SUN2: variants seen among roughly 807,000 people sequenced by gnomAD.
The protein encoded by SUN2 is Sad1 and UNC84 domain containing 2.
In SUN2, 60 loss-of-function variants were observed where a neutral mutation model predicts 100.0. The observed-to-expected ratio is 0.60, with a 90% CI of 0.49 to 0.74. The LOEUF is 0.74. Ranked by LOEUF, SUN2 falls within the 30% of genes least tolerant of loss-of-function variation. SUN2 has a pLI of 0.00. For missense variants in SUN2, 834 were observed against 954.6 expected (o/e 0.87, Z 1.66); for synonymous variants, 367 against 403.3 (o/e 0.91, Z 1.08).
intron 8 of SUN2, chr22:38,745,181 C>G (rs767903776): frequency 4.2e-6 from 2 of 471,120 alleles, no homozygotes; most frequent in Non-Finnish European, 8.8e-6. Flanking sequence ...GCTAGCCTGC[C>G]GGGTGAGCAA....
At chr22:38,741,249 G>A (rs1008087299) in intron 10 of SUN2, among the ~76,000 whole-genome samples, 199 bp from the exon 11 acceptor site, 3 of 151,670 alleles carry the variant, frequency 2.0e-5, no homozygotes, top group Admixed American at 2.0e-4. Flanking sequence ...TGAGGTATCT[G>A]TTCACCCACA....
At chr22:38,744,259 C>T (rs140808284) in intron 8 of SUN2, among the ~76,000 whole-genome samples, 2,740 of 89,302 alleles carry the variant, frequency 0.031, 43 homozygotes, top group South Asian at 0.1. Context: ...AAGACTCTGT[C>T]TCAAAAAAAA....
Position 38,739,839 on chromosome 22 carries a change from C to A in SUN2, c.1461G>T (p.Glu487Asp), listed in dbSNP as rs1250274550. The A allele has an allele frequency of 1.9e-6, 3 of 1,613,626 alleles. No homozygotes were observed. The highest frequency in any genetic ancestry group is 2.5e-6 in the Non-Finnish European group (3 of 1,180,036). Reference protein sequence around the residue: ...QREEMQAQLRELESKILTHVA... With the variant: ...QREEMQAQLRDLESKILTHVA... ...CATGGGTGAGGATCTTGCTCTCCAG[C>A]TCTCGCAGCTGAGCTTGCATCTCCT... Residue 487 changes from glutamate (E) to aspartate (D), a missense_variant, in exon 13 of 18, where the codon GAG becomes GAT. Around this residue, in one of 3 missense-constraint regions of SUN2, gnomAD observed 195 missense variants for 280.2 expected, o/e 0.70. Transcript: ENST00000689035. The surrounding 1 kb of genome is among the most constrained non-coding windows in gnomAD (Gnocchi z 6.7).
intron 17 of SUN2, 88 bp from the exon 18 acceptor site, chr22:38,736,468 A>G: frequency 9.1e-7 from 1 of 1,099,262 alleles, no homozygotes. Flanking sequence ...AGCCTCGCCT[A>G]GGGCCAGATG....
intron 7 of SUN2, among the ~76,000 whole-genome samples, 182 bp from the exon 8 acceptor site, chr22:38,745,993 A>G (rs2092900977): frequency 6.6e-6 from 1 of 152,264 alleles, no homozygotes; most frequent in African/African-American, 2.4e-5. Context: ...CTTCCACCCA[A>G]CAACCTCAGA....
rs746147670 is a variant in SUN2 at position 38,739,752 on chromosome 22, C to T, written c.1548G>A (p.Gln516=). Reference sequence around the variant, plus strand: ...CTGTCACTCCAATCACACCTTCTTTCTGCAGCGTCAGGCTCAGGGAGGCCG... The same window carrying T: ...CTGTCACTCCAATCACACCTTCTTTTTGCAGCGTCAGGCTCAGGGAGGCCG... ...EAAASLSLTL[Q]KEGVIGVTEE... is the part of the protein sequence containing the mutation. The change falls in exon 13 of 18, where the codon CAG becomes CAA. Residue 516 remains glutamine (Q), a synonymous_variant. Coordinates refer to ENST00000689035, the MANE Select transcript of SUN2 (RefSeq NM_015374.3). The surrounding 1 kb of genome is among the most constrained non-coding windows in gnomAD (Gnocchi z 6.7). The T allele has an allele frequency of 5.0e-6, 8 of 1,613,732 alleles. No individual in the cohort carries two copies. Among genetic ancestry groups the T allele is most frequent in the Non-Finnish European group, 6.8e-6 (8 of 1,180,016 alleles).
At chr22:38,743,319 G>GCT (rs2092875403) in intron 8 of SUN2, among the ~76,000 whole-genome samples, 1 of 152,202 alleles carries the variant, frequency 6.6e-6, no homozygotes, top group Non-Finnish European at 1.5e-5. Context: ...GGACGTGGTG[G>GCT]CTCACGCCTG....
At chr22:38,751,074 A>G (rs769157963) in intron 3 of SUN2, 39 bp from the exon 4 acceptor site, 4 of 1,609,116 alleles carry the variant, frequency 2.5e-6, no homozygotes, top group South Asian at 1.1e-5. Flanking sequence ...TGGGCCTCCA[A>G]GAGCTTCTGA....
chr22:38,736,218 G>T lies in SUN2; in HGVS notation c.*49C>A. On this transcript the variant is annotated 3_prime_UTR_variant, in exon 18 of 18. Coordinates refer to ENST00000689035, the MANE Select transcript of SUN2 (RefSeq NM_015374.3). ...AAGCGTGTGGGGGAAGCGGCGGGGT[G>T]CTGTTCACCCACTCCCAGATGGCTG... is the stretch of plus-strand genomic sequence containing the variant. 1 of 1,541,646 alleles carries T rather than the reference G, an allele frequency of 6.5e-7. No homozygotes were observed. Among genetic ancestry groups the T allele is most frequent in the African/African-American group, 1.4e-5 (1 of 73,548 alleles).
At chr22:38,754,603 T>TGGGGGGGGGGGG in intron 1 of SUN2, 5 of 889,150 alleles carry the variant, frequency 5.6e-6, no homozygotes, top group Non-Finnish European at 8.0e-6. Context: ...TAAGGTAATC[T>TGGGGGGGGGGGG]CCCCTCCCCC....
At chr22:38,744,093 T>C (rs2092882979) in intron 8 of SUN2, among the ~76,000 whole-genome samples, 1 of 151,618 alleles carries the variant, frequency 6.6e-6, no homozygotes, top group Non-Finnish European at 1.5e-5. Flanking sequence ...ATAAAAAAAT[T>C]AGCTGGCATG....
Position 38,751,207 on chromosome 22 carries a change from C to G in SUN2, c.286+3G>C, listed in dbSNP as rs539528181. ...GCCCCGGGACGGAGGGCTCCACACT[C>G]ACCCCAGTTGGCGTCACCATGCAGT... On this transcript the variant is annotated splice_donor_region_variant and intron_variant, in intron 3 of 17. Coordinates refer to ENST00000689035, the MANE Select transcript of SUN2 (RefSeq NM_015374.3). The G allele has an allele frequency of 1.2e-6, 2 of 1,610,978 alleles. No homozygotes were observed. The highest frequency in any genetic ancestry group is 2.7e-5 in the African/African-American group (2 of 74,982).
At chr22:38,754,947 A>T in intron 1 of SUN2, 2 of 1,289,334 alleles carry the variant, frequency 1.6e-6, no homozygotes, top group Non-Finnish European at 2.0e-6. Context: ...CCCATTCTCC[A>T]AAACAAGAAG....
intron 9 of SUN2, 138 bp from the exon 10 acceptor site, chr22:38,741,709 C>T (rs139344986): frequency 3.7e-5 from 27 of 725,748 alleles, no homozygotes; most frequent in South Asian, 1.7e-4. Context: ...CTCTGAACCA[C>T]GCAAGACTCC....
Position 38,740,137 on chromosome 22 carries a change from G to A in SUN2, c.1356+130C>T. ...GTCAGTGAGAGCCCACATGTGTCAAGGCCAACGCCACAGTCTCTTGGGCAT... is the reference window on the plus strand; with the variant it reads ...GTCAGTGAGAGCCCACATGTGTCAAAGCCAACGCCACAGTCTCTTGGGCAT... On this transcript the variant is annotated intron_variant, in intron 12 of 17. Transcript: ENST00000689035. This position sits in a 1 kb window ranked among gnomAD's most constrained non-coding sequence, Gnocchi z 4.8. The A allele has an allele frequency of 7.6e-7, 1 of 1,322,636 alleles. No individual in the cohort carries two copies. The highest frequency in any genetic ancestry group is 1.5e-5 in the African/African-American group (1 of 67,682). The allele number at this position is 1,322,636 out of a possible 1,614,324, so 81.9% of individuals were successfully genotyped here.
Position 38,738,743 on chromosome 22 carries a change from G to A in SUN2, c.1791C>T (p.His597=). 1 of 1,613,474 alleles carries A rather than the reference G, an allele frequency of 6.2e-7. No individual in the cohort carries two copies. The highest frequency in any genetic ancestry group is 8.5e-7 in the Non-Finnish European group (1 of 1,179,916). ...CCTGGAAGGCCCAGCAGTTGCCTGG[G>A]TGCACATCTGGCTGGAGGAGCAGAA... ...SPRVILQPDV[H]PGNCWAFQGP... The change falls in exon 16 of 18, where the codon CAC becomes CAT. Residue 597 remains histidine (H), a synonymous_variant. Coordinates refer to ENST00000689035, the MANE Select transcript of SUN2 (RefSeq NM_015374.3). The surrounding 1 kb of genome is among the most constrained non-coding windows in gnomAD (Gnocchi z 6.6).
chr22:38,738,503 G>T lies in SUN2; in HGVS notation c.1947+84C>A, dbSNP rs2092826664. 7.8e-6 allele frequency: 12 copies of T among 1,537,740 alleles called. No individual in the cohort carries two copies. Among genetic ancestry groups the T allele is most frequent in the South Asian group, 1.2e-5 (1 of 82,728 alleles). On this transcript the variant is annotated intron_variant, in intron 16 of 17. Coordinates refer to ENST00000689035, the MANE Select transcript of SUN2 (RefSeq NM_015374.3). The surrounding 1 kb of genome is among the most constrained non-coding windows in gnomAD (Gnocchi z 6.6). ...CCACTCCCCTCCCTTCCAGTCCAAG[G>T]GTGACCCTGACTTGATCCTCAGTAG...
rs374667255 is a variant in SUN2, at chr22:38,738,866, T to A, written c.1779+7A>T. Reference sequence around the variant, plus strand: ...AGCCCCCGCTGCTGTGCTTGCCAGGTGCCCACCTGGAGGATGACTCGGGGT... The same window carrying A: ...AGCCCCCGCTGCTGTGCTTGCCAGGAGCCCACCTGGAGGATGACTCGGGGT... On this transcript the variant is annotated splice_region_variant and intron_variant, in intron 15 of 17. Transcript: ENST00000689035. This position sits in a 1 kb window ranked among gnomAD's most constrained non-coding sequence, Gnocchi z 6.6. 2.4e-5 allele frequency: 38 copies of A among 1,600,084 alleles called. No homozygotes were observed. Among genetic ancestry groups the A allele is most frequent in the Non-Finnish European group, 3.2e-5 (38 of 1,170,652 alleles).
In SUN2 at chr22:38,735,063, G is replaced by A. The variant is rs1233247557; in HGVS notation, c.*1204C>T. 3 of 330,532 alleles carry A rather than the reference G, an allele frequency of 9.1e-6. No individual in the cohort carries two copies. The highest frequency in any genetic ancestry group is 1.8e-5 in the Non-Finnish European group (3 of 168,100). 20.5% of individuals were successfully genotyped at this position (330,532 alleles called of 1,614,324 possible). A position where few individuals can be genotyped will look rare whatever the true frequency, so the allele number is the denominator to read the frequency against. Reference sequence around the variant, plus strand: ...CCCAGTGCCCCACAGAACGGGGCTAGGAATCAAGCCCTTAGCTTTTCAGTT... The same window carrying A: ...CCCAGTGCCCCACAGAACGGGGCTAAGAATCAAGCCCTTAGCTTTTCAGTT... On this transcript the variant is annotated 3_prime_UTR_variant, in exon 18 of 18. Transcript: ENST00000689035.
Sources: gnomAD v4.1 joint callset for allele counts (sites outside exome capture counted in the v4.1 genomes callset) on GRCh38, gnomAD v4.1.1 for gene constraint, gnomAD v4.1.1 regional missense constraint, Gnocchi (gnomAD v3.1) non-coding constraint, MANE v1.5 for transcripts, NCBI Gene and HGNC (gene_info 2026-07-23, HGNC 2026-07-21) for gene names.